COBL: variants seen among roughly 807,000 people sequenced by gnomAD.
COBL encodes the protein cordon-bleu WH2 repeat protein.
In COBL, 51 loss-of-function variants were observed where a neutral mutation model predicts 98.8. The ratio of observed to expected loss-of-function variants is 0.52; its 90% CI spans 0.41 to 0.65. The LOEUF (loss-of-function observed/expected upper bound fraction) is 0.65. COBL is among the 30% of genes least tolerant of loss of function. COBL has a pLI of 0.00. For synonymous variants in COBL, 634 were observed against 651.7 expected (o/e 0.97, Z 0.41); for missense variants, 1,617 against 1,617.5 (o/e 1.00, Z 0.01).
chr7:51,265,655 G>C (rs1226057766), intron 1 of COBL, among the ~76,000 whole-genome samples: 1 of 152,210 alleles, frequency 6.6e-6, no homozygotes. Flanking sequence ...GGTGCCCAGA[G>C]GGGAAGAAGG....
At chr7:51,251,349 A>G (rs1178244345) in intron 1 of COBL, among the ~76,000 whole-genome samples, 1 of 152,232 alleles carries the variant, frequency 6.6e-6, no homozygotes. Flanking sequence ...GCTGAATGTT[A>G]ACAACTTTGT....
chr7:51,196,520 G>A (rs1790612321), intron 2 of COBL, among the ~76,000 whole-genome samples: 1 of 152,152 alleles, frequency 6.6e-6, no homozygotes, highest in Admixed American at 6.5e-5. Context: ...CTCACAAAAT[G>A]AGTTAGAGAG....
chr7:51,077,623 G>C (rs1342804896), intron 7 of COBL, among the ~76,000 whole-genome samples: 1 of 152,234 alleles, frequency 6.6e-6, no homozygotes, highest in Non-Finnish European at 1.5e-5. Context: ...TCTACAGCAG[G>C]AAGTAATTTT....
Position 51,029,334 on chromosome 7 carries a change from G to A in COBL, c.1762C>T (p.Gln588Ter). The A allele has an allele frequency of 6.2e-7, 1 of 1,603,024 alleles. No individual in the cohort carries two copies. Among genetic ancestry groups the A allele is most frequent in the Non-Finnish European group, 8.5e-7 (1 of 1,173,416 alleles). The change falls in exon 10 of 13, where the codon CAG (glutamine) becomes TAG (stop). Residue 588 changes from glutamine to a stop codon, truncating the protein, a stop_gained. Coordinates refer to ENST00000265136, the MANE Select transcript of COBL (RefSeq NM_015198.5). LOFTEE classifies it high-confidence loss of function. The part of the protein sequence containing the change: ...SLAPLQAEHS[Q>*]PHEKAREEVP... ...TCCTCCCTTGCCTTTTCATGGGGCT[G>A]GCTGTGCTCAGCTTGAAGTGGCGCC...
At position 51,230,297 on chromosome 7, in the gene COBL, ACTGCCTCTC is replaced by A. The variant is rs1794625118; in HGVS notation, c.42-10362_42-10354del. ...CCAATGAAGAGCTCTCCGGGGCACCACTGCCTCTCCTGCCTCTCCATTTCAGTCATGGCT... is the reference window on the plus strand; with the variant it reads ...CCAATGAAGAGCTCTCCGGGGCACCACTGCCTCTCCATTTCAGTCATGGCT... On this transcript the variant is annotated intron_variant, in intron 1 of 12. Coordinates refer to ENST00000265136, the MANE Select transcript of COBL (RefSeq NM_015198.5). Among the ~76,000 whole-genome samples, 5 of 152,162 alleles carry A rather than the reference ACTGCCTCTC, an allele frequency of 3.3e-5. No homozygotes were observed. The South Asian group carries it at 1.0e-3, about 32-fold the overall frequency.
intron 9 of COBL, 56 bp from the exon 10 acceptor site, chr7:51,029,647 T>TGGG: frequency 2.8e-6 from 4 of 1,412,910 alleles, no homozygotes; most frequent in Non-Finnish European, 3.9e-6. Context: ...TTACTTAGTG[T>TGGG]AACTGCAGCC....
intron 6 of COBL, among the ~76,000 whole-genome samples, chr7:51,103,294 T>A (rs1490582228): frequency 1.3e-5 from 2 of 152,198 alleles, no homozygotes; most frequent in African/African-American, 4.8e-5. Flanking sequence ...TATGTGTTTG[T>A]GTGTGAGAAA....
chr7:51,106,596 A>G (rs890828587), intron 6 of COBL, among the ~76,000 whole-genome samples: 5 of 152,192 alleles, frequency 3.3e-5, no homozygotes, highest in Non-Finnish European at 5.9e-5. Flanking sequence ...TAAAATCACT[A>G]TATTTTCTGC....
At chr7:51,196,110 TTCAGTATGA>T (rs1242687151) in intron 2 of COBL, among the ~76,000 whole-genome samples, 6 of 152,214 alleles carry the variant, frequency 3.9e-5, no homozygotes, top group Non-Finnish European at 5.9e-5. Flanking sequence ...CTTTTGCCCA[TTCAGTATGA>T]TCTTGGCTGT....
intron 6 of COBL, among the ~76,000 whole-genome samples, chr7:51,106,746 G>T (rs1440648837): frequency 6.6e-6 from 1 of 152,094 alleles, no homozygotes; most frequent in African/African-American, 2.4e-5. Flanking sequence ...CTTCACAGGT[G>T]GGCACAGGCA....
chr7:51,220,722 G>C (rs1298114526), intron 1 of COBL, among the ~76,000 whole-genome samples: 2 of 152,140 alleles, frequency 1.3e-5, no homozygotes, highest in Non-Finnish European at 2.9e-5. Context: ...TAGGTGTACA[G>C]ATTATTCCAT....
intron 6 of COBL, among the ~76,000 whole-genome samples, chr7:51,095,204 C>T (rs1371234741): frequency 6.6e-6 from 1 of 152,134 alleles, no homozygotes; most frequent in Non-Finnish European, 1.5e-5. Flanking sequence ...TGGCGGCAGG[C>T]AAAGACAGCA....
chr7:51,212,329 C>T (rs915303966), intron 2 of COBL, among the ~76,000 whole-genome samples: 35 of 152,270 alleles, frequency 2.3e-4, no homozygotes, highest in African/African-American at 8.2e-4. Flanking sequence ...AAACGGAGAG[C>T]CTGTGCCAAT....
chr7:51,073,776 G>A (rs1196617465), intron 7 of COBL, among the ~76,000 whole-genome samples: 1 of 152,182 alleles, frequency 6.6e-6, no homozygotes, highest in African/African-American at 2.4e-5. Context: ...TAAGTTACTT[G>A]TAGAACTCCA....
intron 7 of COBL, chr7:51,071,669 T>C (rs1196850462): frequency 6.6e-6 from 1 of 152,244 alleles, no homozygotes; most frequent in Non-Finnish European, 1.5e-5. Context: ...CACTTTCCCC[T>C]GTTCCAAGGA....
At chr7:51,150,059 A>G (rs1295382892) in intron 5 of COBL, among the ~76,000 whole-genome samples, 1 of 152,198 alleles carries the variant, frequency 6.6e-6, no homozygotes, top group East Asian at 1.9e-4. Flanking sequence ...AAGTTCTCAT[A>G]CAGAAAACAA....
intron 1 of COBL, among the ~76,000 whole-genome samples, chr7:51,310,522 C>CTT (rs1464223707): frequency 2.0e-5 from 3 of 152,200 alleles, no homozygotes; most frequent in Non-Finnish European, 4.4e-5. Context: ...GTGGGAGCAT[C>CTT]TCTAAGGCAA....
chr7:51,145,568 G>A (rs1404247822), intron 5 of COBL, among the ~76,000 whole-genome samples: 1 of 149,982 alleles, frequency 6.7e-6, no homozygotes, highest in African/African-American at 2.5e-5. Context: ...TAGTAGAGAT[G>A]GGGTTTCGCC....
intron 7 of COBL, among the ~76,000 whole-genome samples, chr7:51,058,960 C>T (rs1046589652): frequency 2.6e-5 from 4 of 152,220 alleles, no homozygotes; most frequent in African/African-American, 4.8e-5. Flanking sequence ...TCTCTGGCTG[C>T]GCTCATGTCC....
Sources: gnomAD v4.1 joint callset for allele counts (sites outside exome capture counted in the v4.1 genomes callset) on GRCh38, gnomAD v4.1.1 for gene constraint, MANE v1.5 for transcripts, NCBI Gene and HGNC (gene_info 2026-07-23, HGNC 2026-07-21) for gene names.